The following PTPN4 variants were observed in gnomAD, a reference collection of about 807,000 sequenced individuals.
PTPN4 encodes the protein protein tyrosine phosphatase non-receptor type 4.
In PTPN4, 49 loss-of-function variants were observed where a neutral mutation model predicts 135.5. The observed-to-expected ratio is 0.36, with a 90% CI of 0.29 to 0.46. The LOEUF is 0.46. Ranked by LOEUF, PTPN4 falls within the 20% of genes least tolerant of loss-of-function variation. The pLI is 1.00. For missense variants in PTPN4, 860 were observed against 1,101.0 expected, an observed-to-expected ratio of 0.78 and a Z score of 3.10; for synonymous variants, 333 against 369.9, an observed-to-expected ratio of 0.90 and a Z score of 1.14.
chr2:119,780,163 T>C (rs1690911245), intron 1 of PTPN4, among the ~76,000 whole-genome samples: 3 of 152,386 alleles, frequency 2.0e-5, no homozygotes, highest in South Asian at 4.1e-4. Flanking sequence ...ATAGATTCAT[T>C]AATTGATACT....
At chr2:119,856,056 A>G (rs141427180) in intron 2 of PTPN4, among the ~76,000 whole-genome samples, 4,210 of 152,146 alleles carry the variant, frequency 0.028, 73 homozygotes, top group Non-Finnish European at 0.033. Context: ...TGCCCACCTC[A>G]GCCTCCCAAA....
chr2:119,855,348 G>C (rs976123895), intron 2 of PTPN4, among the ~76,000 whole-genome samples: 1 of 152,134 alleles, frequency 6.6e-6, no homozygotes, highest in Non-Finnish European at 1.5e-5. Context: ...GGGAACTATT[G>C]CTACTATAGT....
chr2:119,767,042 A>G (rs115607470), intron 1 of PTPN4, among the ~76,000 whole-genome samples: 51 of 152,364 alleles, frequency 3.3e-4, no homozygotes, highest in Non-Finnish European at 6.5e-4. Flanking sequence ...CAAGAAAAGT[A>G]CAACAAAGAG....
chr2:119,951,704 G>A (rs1679214222), intron 18 of PTPN4, among the ~76,000 whole-genome samples: 1 of 152,150 alleles, frequency 6.6e-6, no homozygotes, highest in African/African-American at 2.4e-5. Flanking sequence ...AAAGCTACTT[G>A]TGTGTATGTA....
At chr2:119,836,622 C>T (rs995401757) in intron 2 of PTPN4, among the ~76,000 whole-genome samples, 3 of 152,238 alleles carry the variant, frequency 2.0e-5, no homozygotes, top group Non-Finnish European at 4.4e-5. Context: ...GGGGCAACTG[C>T]AGCTGCCCAG....
chr2:119,931,709 G>A (rs367601120), intron 13 of PTPN4, among the ~76,000 whole-genome samples: 1 of 151,482 alleles, frequency 6.6e-6, no homozygotes, highest in East Asian at 1.9e-4. Flanking sequence ...CAAAGTGCTG[G>A]GATTGCAGCA....
chr2:119,953,453 A>G (rs1165302115), intron 19 of PTPN4, among the ~76,000 whole-genome samples: 1 of 152,074 alleles, frequency 6.6e-6, no homozygotes, highest in Non-Finnish European at 1.5e-5. Flanking sequence ...AATGGTCTAG[A>G]ATTGGCTTTC....
At chr2:119,870,943 C>A (rs908232532) in intron 3 of PTPN4, among the ~76,000 whole-genome samples, 1 of 151,654 alleles carries the variant, frequency 6.6e-6, no homozygotes, top group African/African-American at 2.4e-5. Flanking sequence ...AGAGTATACA[C>A]TGAGGACAAA....
At position 119,982,964 on chromosome 2, in the gene PTPN4, C is replaced by T. The variant is rs1430337818; in HGVS notation, c.*5894C>T. On this transcript the variant is annotated 3_prime_UTR_variant, in exon 27 of 27. Coordinates refer to ENST00000263708, the MANE Select transcript of PTPN4 (RefSeq NM_002830.4). ...ACCACCTTTGTAGGTATGATTAATA[C>T]GTGCAACAGCTGCTTTAAAAGGTGG... is the stretch of plus-strand genomic sequence containing the variant. The T allele has an allele frequency of 1.3e-5, 2 of 152,146 alleles. No individual in the cohort carries two copies. Among genetic ancestry groups the T allele is most frequent in the Non-Finnish European group, 2.9e-5 (2 of 68,018 alleles). The allele number at this position is 152,146 out of a possible 1,614,324, so 9.4% of individuals were successfully genotyped here.
rs191682253 is a variant in PTPN4 at position 119,779,098 on chromosome 2, T to G, written c.-18+18714T>G. ...GTATCAGTTTTATAGTTCATAGTTT[T>G]GGTAGCACTATCCTAAGGGAATCTG... On this transcript the variant is annotated intron_variant, in intron 1 of 26. Coordinates refer to ENST00000263708, the MANE Select transcript of PTPN4 (RefSeq NM_002830.4). 2.6e-5 allele frequency among the ~76,000 whole-genome samples: 4 copies of G among 152,352 alleles called. No individual in the cohort carries two copies. The East Asian group carries it at 7.7e-4, about 29-fold the overall frequency.
In PTPN4 at chr2:119,946,507, C is replaced by G. The variant is rs1679135029; in HGVS notation, c.1600-11C>G. The G allele has an allele frequency of 1.9e-6, 3 of 1,605,762 alleles. No homozygotes were observed. Among genetic ancestry groups the G allele is most frequent in the East Asian group, 2.2e-5 (1 of 44,672 alleles). On this transcript the variant is annotated splice_polypyrimidine_tract_variant and intron_variant, in intron 17 of 26. Transcript: ENST00000263708. ...ATATTTGACTAACATTTTACTTATT[C>G]TCTTTTTAAGGGAGGATATGATCAG... is the stretch of plus-strand genomic sequence containing the variant.
At chr2:119,807,112 A>G (rs1034311771) in intron 1 of PTPN4, among the ~76,000 whole-genome samples, 2 of 152,240 alleles carry the variant, frequency 1.3e-5, no homozygotes, top group African/African-American at 4.8e-5. Flanking sequence ...CTAAATGCCC[A>G]CAAGAGAAAG....
intron 2 of PTPN4, 90 bp from the exon 3 acceptor site, chr2:119,862,446 T>C (rs1268743958): frequency 8.4e-7 from 1 of 1,195,572 alleles, no homozygotes; most frequent in Non-Finnish European, 1.2e-6. Flanking sequence ...AATGGGTTAA[T>C]AGATGAGGAC....
chr2:119,850,109 T>A (rs1302575245), intron 2 of PTPN4, among the ~76,000 whole-genome samples: 1 of 152,250 alleles, frequency 6.6e-6, no homozygotes, highest in Non-Finnish European at 1.5e-5. Context: ...ACTCTTAGAC[T>A]GGAACTTCTC....
intron 1 of PTPN4, among the ~76,000 whole-genome samples, chr2:119,773,701 A>T (rs1206527521): frequency 1.3e-5 from 2 of 149,510 alleles, no homozygotes; most frequent in East Asian, 2.0e-4. Flanking sequence ...GCACCACTGC[A>T]CTCCAGCCTG....
chr2:119,929,383 G>C (rs1678869065), intron 13 of PTPN4, among the ~76,000 whole-genome samples: 1 of 151,832 alleles, frequency 6.6e-6, no homozygotes, highest in South Asian at 2.1e-4. Flanking sequence ...AATATGAGTA[G>C]ATAGAAAAGG....
intron 23 of PTPN4, among the ~76,000 whole-genome samples, chr2:119,961,686 G>A (rs1200622743): frequency 6.6e-6 from 1 of 152,168 alleles, no homozygotes; most frequent in East Asian, 1.9e-4. Flanking sequence ...ATAGTCTTAT[G>A]GTTGGATATT....
At chr2:119,820,945 A>C (rs1677057663) in intron 2 of PTPN4, among the ~76,000 whole-genome samples, 1 of 151,744 alleles carries the variant, frequency 6.6e-6, no homozygotes, top group Non-Finnish European at 1.5e-5. Context: ...ATGTATGCAC[A>C]CATAGCAAGA....
chr2:119,982,768 T>G lies in PTPN4; in HGVS notation c.*5698T>G, dbSNP rs1167284713. The G allele has an allele frequency of 1.3e-5, 2 of 152,202 alleles. No homozygotes were observed. The highest frequency in any genetic ancestry group is 2.9e-5 in the Non-Finnish European group (2 of 68,050). 9.4% of individuals were successfully genotyped at this position (152,202 alleles called of 1,614,324 possible). On this transcript the variant is annotated 3_prime_UTR_variant, in exon 27 of 27. Coordinates refer to ENST00000263708, the MANE Select transcript of PTPN4 (RefSeq NM_002830.4). ...GAAGCCAGAAAACTGTGCCTAAGAT[T>G]CATTACAGTGAGTATGTGCAGAGGC...
Sources: allele counts gnomAD v4.1 joint callset (sites outside exome capture counted in the v4.1 genomes callset), GRCh38; gene constraint gnomAD v4.1.1; transcripts MANE v1.5; gene names NCBI Gene and HGNC (gene_info 2026-07-23, HGNC 2026-07-21).